Variants in CACNG4 observed in about 807,000 individuals in gnomAD.
The protein encoded by CACNG4 is voltage-dependent calcium channel gamma-4 subunit.
In CACNG4, 8 loss-of-function variants were observed where a neutral mutation model predicts 22.9. The ratio of observed to expected loss-of-function variants is 0.35; its 90% CI spans 0.21 to 0.63. The LOEUF is 0.63. Ranked by LOEUF, CACNG4 falls within the 30% of genes least tolerant of loss-of-function variation. CACNG4 has a pLI of 0.72. For missense variants in CACNG4, 357 were observed against 455.4 expected (o/e 0.78, Z 1.97); for synonymous variants, 188 against 191.9 (o/e 0.98, Z 0.17).
intron 1 of CACNG4, among the ~76,000 whole-genome samples, chr17:66,980,528 G>A (rs2035265366): frequency 6.6e-6 from 1 of 151,734 alleles, no homozygotes; most frequent in Admixed American, 6.6e-5. Flanking sequence ...AGCTTAAGCA[G>A]GCTTCATTGC....
chr17:67,033,238 TGTG>T lies in CACNG4; in HGVS notation c.*2239_*2241del, dbSNP rs2035620824. The T allele has an allele frequency of 6.6e-6, 1 of 152,322 alleles. No homozygotes were observed. The allele number at this position is 152,322 out of a possible 1,614,324, so 9.4% of individuals were successfully genotyped here. ...TCAGACCTGACACCCAACGGGGGGA[TGTG>T]GTGGCCTGTGCCCACCTTCTCTCCC... On this transcript the variant is annotated 3_prime_UTR_variant, in exon 4 of 4. Coordinates refer to ENST00000262138, the MANE Select transcript of CACNG4 (RefSeq NM_014405.4).
rs1011801313 is a variant in CACNG4, at chr17:66,984,818, G to T, written c.220+19687G>T. ...AAGCAGCAGGGGCAGAGTTTGACTT[G>T]AACCCGAGCCTGAGTTTAGCCTCGA... On this transcript the variant is annotated intron_variant, in intron 1 of 3. Transcript: ENST00000262138. This position sits in a 1 kb window ranked among gnomAD's most constrained non-coding sequence, Gnocchi z 4.0. Among the ~76,000 whole-genome samples the T allele has an allele frequency of 2.6e-4, 39 of 152,210 alleles. No individual in the cohort carries two copies. Among genetic ancestry groups the T allele is most frequent in the Admixed American group, 2.5e-3 (38 of 15,296 alleles).
In CACNG4 at chr17:67,024,866, T is replaced by C. The variant is rs781015406; in HGVS notation, c.311T>C (p.Val104Ala). The change falls in exon 3 of 4, where the codon GTG (valine) becomes GCG (alanine). Residue 104 changes from valine to alanine, a missense_variant. By Grantham distance (64) the Val-to-Ala change is moderately conservative. Transcript: ENST00000262138. ...CCCCCACCTCCCCGGCCAGGCATCG[T>C]GCGAGCCTCCAGCGTCTTCCCCATC... ...HDSSEYLLRIVRASSVFPILS... is the reference protein window; with the variant it reads ...HDSSEYLLRIARASSVFPILS... 1 of 1,562,020 alleles carries C rather than the reference T, an allele frequency of 6.4e-7. No individual in the cohort carries two copies. Among genetic ancestry groups the C allele is most frequent in the South Asian group, 1.2e-5 (1 of 84,342 alleles).
At chr17:67,018,101 C>A in intron 1 of CACNG4, 88 bp from the exon 2 acceptor site, 2 of 997,626 alleles carry the variant, frequency 2.0e-6, no homozygotes, top group South Asian at 1.3e-5. Context: ...TGCACAGAGG[C>A]TCACACACAT....
chr17:67,006,122 C>T (rs2035435946), intron 1 of CACNG4, among the ~76,000 whole-genome samples: 1 of 152,146 alleles, frequency 6.6e-6, no homozygotes, highest in Non-Finnish European at 1.5e-5. Flanking sequence ...CCATGAGGGG[C>T]AGTGAGGAGG....
chr17:66,998,511 G>A (rs1247465787), intron 1 of CACNG4, among the ~76,000 whole-genome samples: 1 of 152,170 alleles, frequency 6.6e-6, no homozygotes, highest in African/African-American at 2.4e-5. Flanking sequence ...CTTATTTAAC[G>A]TGAGCACTCC....
At chr17:66,972,651 C>T (rs913653794) in intron 1 of CACNG4, among the ~76,000 whole-genome samples, 13 of 81,720 alleles carry the variant, frequency 1.6e-4, no homozygotes, top group South Asian at 5.5e-4. Flanking sequence ...TGGGGCCTGG[C>T]GCGGTGACTC....
intron 1 of CACNG4, among the ~76,000 whole-genome samples, chr17:67,017,087 G>GT (rs1209293396): frequency 2.6e-5 from 4 of 152,014 alleles, no homozygotes; most frequent in Admixed American, 6.5e-5. Context: ...GGTTTTTTGA[G>GT]TTTTTTTGAG....
rs78299352 is a variant in CACNG4, at chr17:66,982,481, A to G, written c.220+17350A>G. Reference sequence around the variant, plus strand: ...TGATTGGTGCATTTTACAAACCTCTAGCTAGCTACAGGGCGTTGATTGGCG... The same window carrying G: ...TGATTGGTGCATTTTACAAACCTCTGGCTAGCTACAGGGCGTTGATTGGCG... On this transcript the variant is annotated intron_variant, in intron 1 of 3. Transcript: ENST00000262138. 5.6e-3 allele frequency among the ~76,000 whole-genome samples: 838 copies of G among 149,618 alleles called. 7 individuals carry two copies. The highest frequency in any genetic ancestry group is 0.02 in the African/African-American group (812 of 41,238).
At chr17:67,012,793 G>A (rs552742811) in intron 1 of CACNG4, among the ~76,000 whole-genome samples, 104 of 152,326 alleles carry the variant, frequency 6.8e-4, no homozygotes, top group Middle Eastern at 6.8e-3. Flanking sequence ...GGTCGCTCGC[G>A]GCAGCCATGT....
At chr17:67,024,260 C>T (rs2035549919) in intron 2 of CACNG4, among the ~76,000 whole-genome samples, 1 of 152,204 alleles carries the variant, frequency 6.6e-6, no homozygotes, top group African/African-American at 2.4e-5. Flanking sequence ...GTGCTATGCA[C>T]CTTACATGTA....
intron 1 of CACNG4, among the ~76,000 whole-genome samples, chr17:67,017,953 G>C (rs537302726): frequency 6.6e-6 from 1 of 151,950 alleles, no homozygotes; most frequent in East Asian, 1.9e-4. Flanking sequence ...TCTCACGTGC[G>C]TCCACCCTTG....
At position 67,030,552 on chromosome 17, in the gene CACNG4, C is replaced by A. The variant is rs777957813; in HGVS notation, c.532C>A (p.His178Asn). The change falls in exon 4 of 4, where the codon CAT becomes AAT. Residue 178 changes from histidine to asparagine, a missense_variant. Physicochemically the swap from His to Asn is moderately conservative, Grantham distance 68. This residue lies in a region of CACNG4 where 240 missense variants were observed against 277.6 expected (regional missense o/e 0.86). Coordinates refer to ENST00000262138, the MANE Select transcript of CACNG4 (RefSeq NM_014405.4). The surrounding 1 kb of genome is among the most constrained non-coding windows in gnomAD (Gnocchi z 6.4). ...SDKRDEDKKN[H>N]YNYGWSFYFG... The stretch of plus-strand genomic sequence containing the variant: ...CAAGCGGGACGAAGACAAAAAGAAC[C>A]ATTACAACTACGGCTGGTCTTTTTA... 6.2e-7 allele frequency: 1 copy of A among 1,614,200 alleles called. No homozygotes were observed. Among genetic ancestry groups the A allele is most frequent in the South Asian group, 1.1e-5 (1 of 91,082 alleles).
rs1382898107 is a variant in CACNG4, at chr17:67,030,693, T to C, written c.673T>C (p.Ser225Pro). Reference protein sequence around the residue: ...FKTKREFLKASSSSPYARMPS... With the variant: ...FKTKREFLKAPSSSPYARMPS... ...GACCAAACGGGAATTCCTTAAGGCG[T>C]CTTCCTCTTCTCCTTATGCCAGGAT... The change falls in exon 4 of 4, where the codon TCT becomes CCT. Residue 225 changes from serine to proline, a missense_variant. This residue lies in a region of CACNG4 where 240 missense variants were observed against 277.6 expected (regional missense o/e 0.86). Transcript: ENST00000262138. This position sits in a 1 kb window ranked among gnomAD's most constrained non-coding sequence, Gnocchi z 6.4. The C allele has an allele frequency of 6.2e-7, 1 of 1,614,206 alleles. No homozygotes were observed. The highest frequency in any genetic ancestry group is 1.7e-5 in the Admixed American group (1 of 60,024).
At chr17:67,007,156 C>G (rs1598116652) in intron 1 of CACNG4, among the ~76,000 whole-genome samples, 1 of 151,842 alleles carries the variant, frequency 6.6e-6, no homozygotes, top group Admixed American at 6.6e-5. Context: ...GCCTGGGTGA[C>G]AGAGCGAGAC....
chr17:66,974,019 A>T (rs768941568), intron 1 of CACNG4, among the ~76,000 whole-genome samples: 36 of 152,228 alleles, frequency 2.4e-4, no homozygotes, highest in South Asian at 1.7e-3. Context: ...TGTGAAAATG[A>T]CATCCCGTGA....
chr17:67,014,121 C>T (rs2035483330), intron 1 of CACNG4, among the ~76,000 whole-genome samples: 1 of 152,156 alleles, frequency 6.6e-6, no homozygotes, highest in South Asian at 2.1e-4. Flanking sequence ...GCCCAGCGAC[C>T]CCTGTCTCCA....
chr17:66,999,643 A>G (rs993875942), intron 1 of CACNG4, among the ~76,000 whole-genome samples: 9 of 152,236 alleles, frequency 5.9e-5, no homozygotes, highest in Admixed American at 5.9e-4. Flanking sequence ...CTATCAGGAG[A>G]ACACCACGGG....
intron 1 of CACNG4, among the ~76,000 whole-genome samples, chr17:67,005,964 C>G (rs2035435078): frequency 6.6e-6 from 1 of 152,202 alleles, no homozygotes; most frequent in Non-Finnish European, 1.5e-5. Context: ...TTGTGGCTGG[C>G]AGAGGTGAGA....
Sources: allele counts gnomAD v4.1 joint callset (sites outside exome capture counted in the v4.1 genomes callset), GRCh38; gene constraint gnomAD v4.1.1; regional missense constraint gnomAD v4.1.1; non-coding constraint Gnocchi (gnomAD v3.1); transcripts MANE v1.5; gene names NCBI Gene and HGNC (gene_info 2026-07-23, HGNC 2026-07-21).